Variants in OR10S1 observed in about 807,000 individuals in gnomAD.
The protein encoded by OR10S1 is olfactory receptor family 10 subfamily S member 1.
For missense variants in OR10S1, 415 were observed against 407.9 expected, an observed-to-expected ratio of 1.02 and a Z score of -0.15; for synonymous variants, 167 against 164.1, an observed-to-expected ratio of 1.02 and a Z score of -0.13.
chr11:123,977,581 A>G (rs1863733487), exon 1 of OR10S1: 2 of 1,612,972 alleles, frequency 1.2e-6, no homozygotes, highest in African/African-American at 2.7e-5. Context: ...AGAAGAGGCT[A>G]GAATGTTTAG....
Position 123,977,761 on chromosome 11 carries a change from T to A in OR10S1, c.-97A>T, listed in dbSNP as rs1057510419. On this transcript the variant is annotated 5_prime_UTR_variant, in exon 1 of 1. The change abolishes an upstream ATG in the 5' untranslated region. Transcript: ENST00000641123. ...CCCTTTCCTGAGATGTCATTATCCA[T>A]CAAGCCACACCACCTTGGTCTTACC... 1 of 1,381,336 alleles carries A rather than the reference T, an allele frequency of 7.2e-7. No individual in the cohort carries two copies. The highest frequency in any genetic ancestry group is 1.4e-5 in the African/African-American group (1 of 70,774). 85.6% of individuals were successfully genotyped at this position (1,381,336 alleles called of 1,614,324 possible). A position where few individuals can be genotyped will look rare whatever the true frequency, so the allele number is the denominator to read the frequency against.
At chr11:123,977,506 C>T (rs1421432840) in exon 1 of OR10S1, 15 of 1,613,844 alleles carry the variant, frequency 9.3e-6, no homozygotes, top group Non-Finnish European at 1.2e-5. Flanking sequence ...AGTCAGAGCC[C>T]ACAGTTAGGA....
rs199631140 is a variant in OR10S1 at position 123,977,113 on chromosome 11, G to A, written c.552C>T (p.Cys184=). 1.1e-5 allele frequency: 18 copies of A among 1,614,242 alleles called. No individual in the cohort carries two copies. The East Asian group carries it at 3.1e-4, about 28-fold the overall frequency. ...CGAGCTTTAGGACAGGGGGTATGTC[G>A]CAGAAGAAGTAGGCAATGTGGCAAG... The change falls in exon 1 of 1, where the codon TGC becomes TGT. Residue 184 remains cysteine (C), a synonymous_variant. Coordinates refer to ENST00000641123, the Ensembl canonical transcript of OR10S1.
In OR10S1 at chr11:123,976,981, T is replaced by A. The variant is rs563002028; in HGVS notation, c.684A>T (p.Ala228=). ...GGGCTGTGCGGATGCGCAACACAGC[T>A]GCCACGATGAAGATGTAGGAAATAA... Residue 228 remains alanine, a synonymous_variant, in exon 1 of 1, where the codon GCA becomes GCT. Coordinates refer to ENST00000641123, the Ensembl canonical transcript of OR10S1. 5 of 1,613,886 alleles carry A rather than the reference T, an allele frequency of 3.1e-6. No individual in the cohort carries two copies. In the South Asian group the frequency reaches 5.5e-5, roughly 18 times the overall value.
Position 123,977,386 on chromosome 11 carries a change from A to G in OR10S1, c.279T>C (p.Asp93=), listed in dbSNP as rs372624131. ...AGCCCTCAAAGGAGATCACCTTCCC[A>G]TCCAGAGTCAGCAGGCCTGCCATGA... The change falls in exon 1 of 1, where the codon GAT becomes GAC. Residue 93 remains aspartate (D), a synonymous_variant. Transcript: ENST00000641123. The G allele has an allele frequency of 3.1e-6, 5 of 1,614,010 alleles. No individual in the cohort carries two copies. The African/African-American group carries it at 6.7e-5, about 22-fold the overall frequency.
exon 1 of OR10S1, chr11:123,977,722 A>G (rs1246438739): frequency 6.3e-7 from 1 of 1,577,160 alleles, no homozygotes; most frequent in African/African-American, 1.3e-5. Flanking sequence ...CATTAATGGA[A>G]TAAATAGCTG....
At chr11:123,977,633 G>A (rs747148840) in exon 1 of OR10S1, 7 of 1,605,848 alleles carry the variant, frequency 4.4e-6, no homozygotes, top group Non-Finnish European at 5.9e-6. Context: ...GCTCACCACA[G>A]TCTGGTTGGG....
chr11:123,977,678 G>C lies in OR10S1; in HGVS notation c.-14C>G, dbSNP rs759124937. 5 of 1,599,608 alleles carry C rather than the reference G, an allele frequency of 3.1e-6. No homozygotes were observed. Among genetic ancestry groups the C allele is most frequent in the Non-Finnish European group, 4.2e-6 (5 of 1,179,040 alleles). ...TGTCATGGTCATCTTCTCACACACAGAGCGGCTAGTCATCCCCTTTGCAAC... is the reference window on the plus strand; with the variant it reads ...TGTCATGGTCATCTTCTCACACACACAGCGGCTAGTCATCCCCTTTGCAAC... On this transcript the variant is annotated 5_prime_UTR_variant, in exon 1 of 1. Coordinates refer to ENST00000641123, the Ensembl canonical transcript of OR10S1.
exon 1 of OR10S1, chr11:123,977,253 G>T: frequency 1.2e-6 from 2 of 1,614,192 alleles, no homozygotes; most frequent in African/African-American, 1.3e-5. Context: ...ATGGCCACTG[G>T]GTAGTGCAGG....
exon 1 of OR10S1, chr11:123,977,449 G>A: frequency 6.2e-7 from 1 of 1,614,158 alleles, no homozygotes. Context: ...AGGCATCCAG[G>A]AAGGAGAGGT....
chr11:123,976,772 T>A, exon 1 of OR10S1: 1 of 1,614,224 alleles, frequency 6.2e-7, no homozygotes, highest in Non-Finnish European at 8.5e-7. Context: ...CTTCACCTCC[T>A]TGTTCCGCAA....
exon 1 of OR10S1, chr11:123,977,613 GGAA>G: frequency 6.8e-6 from 11 of 1,608,822 alleles, no homozygotes; most frequent in Non-Finnish European, 9.3e-6. Context: ...AAACCCTCCA[GGAA>G]GAAGTGGCTC....
At chr11:123,976,935 A>C in exon 1 of OR10S1, 1 of 1,613,804 alleles carries the variant, frequency 6.2e-7, no homozygotes, top group Non-Finnish European at 8.5e-7. Flanking sequence ...GTGCAGGGGG[A>C]GAAGGCCCGC....
exon 1 of OR10S1, chr11:123,977,260 C>T (rs759873096): frequency 3.1e-6 from 5 of 1,614,052 alleles, no homozygotes; most frequent in Non-Finnish European, 4.2e-6. Flanking sequence ...CTGGGTAGTG[C>T]AGGGGTTGAC....
At chr11:123,977,019 G>A in exon 1 of OR10S1, 2 of 1,614,180 alleles carry the variant, frequency 1.2e-6, no homozygotes, top group South Asian at 2.2e-5. Context: ...ATGAGGATGA[G>A]GCAGCCTGCA....
exon 1 of OR10S1, chr11:123,976,816 G>T: frequency 6.2e-7 from 1 of 1,614,196 alleles, no homozygotes; most frequent in Non-Finnish European, 8.5e-7. Context: ...TTGGAGTTAC[G>T]ATTGTGTAGA....
At chr11:123,977,184 C>G in exon 1 of OR10S1, 2 of 1,614,198 alleles carry the variant, frequency 1.2e-6, no homozygotes, top group Non-Finnish European at 1.7e-6. Context: ...TGGATTGCAG[C>G]GTGCGTGGCA....
Position 123,977,560 on chromosome 11 carries a change from G to A in OR10S1, c.105C>T (p.Phe35=). Residue 35 remains phenylalanine (F), a synonymous_variant, in exon 1 of 1, where the codon TTC becomes TTT. Transcript: ENST00000641123. ...CCACAGTGATGCTGTAGATGAGGAG[G>A]AAGAGGAGGAAGAAGAGGCTAGAAT... 3.1e-6 allele frequency: 5 copies of A among 1,613,778 alleles called. No individual in the cohort carries two copies. In the African/African-American group the frequency reaches 4.0e-5, roughly 13 times the overall value.
At chr11:123,976,726 T>G in exon 1 of OR10S1, 2 of 1,613,376 alleles carry the variant, frequency 1.2e-6, no homozygotes, top group Non-Finnish European at 1.7e-6. Flanking sequence ...CTGTAGACTC[T>G]CGGAAGCTGC....
Sources: gnomAD v4.1 joint callset for allele counts on GRCh38, gnomAD v4.1.1 for gene constraint, MANE v1.5 for transcripts, NCBI Gene and HGNC (gene_info 2026-07-23, HGNC 2026-07-21) for gene names.